The following PRUNE2 variants were observed in gnomAD, a reference collection of about 807,000 sequenced individuals.
PRUNE2 encodes protein prune homolog 2.
PRUNE2 carries 164 observed loss-of-function variants against 252.0 expected under a neutral mutation model. That is an observed-to-expected ratio of 0.65 (90% CI 0.57 to 0.74). PRUNE2 has a LOEUF of 0.74. PRUNE2 is among the 30% of genes least tolerant of loss of function. The pLI is 0.00. For synonymous variants in PRUNE2, 1,292 were observed against 1,350.2 expected (o/e 0.96, Z 0.94); for missense variants, 3,495 against 3,711.0 (o/e 0.94, Z 1.51).
At chr9:76,719,624 G>GA (rs936644111) in intron 6 of PRUNE2, among the ~76,000 whole-genome samples, 3 of 149,848 alleles carry the variant, frequency 2.0e-5, no homozygotes, top group African/African-American at 4.9e-5. Flanking sequence ...CTCTCTAAAA[G>GA]AAAAAAAAGA....
intron 5 of PRUNE2, among the ~76,000 whole-genome samples, chr9:76,824,093 C>T (rs1458353876): frequency 6.6e-6 from 1 of 152,144 alleles, no homozygotes; most frequent in Admixed American, 6.5e-5. Flanking sequence ...GCTGCAGAAA[C>T]TTCCACCTAA....
At chr9:76,751,693 C>A (rs1444659579) in intron 6 of PRUNE2, among the ~76,000 whole-genome samples, 1 of 152,184 alleles carries the variant, frequency 6.6e-6, no homozygotes, top group South Asian at 2.1e-4. Context: ...ACCGAAAATA[C>A]TACTAGAAAC....
intron 1 of PRUNE2, among the ~76,000 whole-genome samples, chr9:76,896,560 C>T (rs1034919795): frequency 2.0e-5 from 3 of 152,170 alleles, no homozygotes; most frequent in Non-Finnish European, 2.9e-5. Context: ...ATCCTTTCAT[C>T]GCTTTCTTTT....
chr9:76,905,767 G>A (rs2063456734), intron 1 of PRUNE2, among the ~76,000 whole-genome samples, 161 bp downstream of exon 1: 1 of 152,134 alleles, frequency 6.6e-6, no homozygotes, highest in Non-Finnish European at 1.5e-5. Flanking sequence ...CCAGCTTTAA[G>A]AGCCAGAGTT....
At chr9:76,699,177 T>C (rs1370121963) in intron 9 of PRUNE2, among the ~76,000 whole-genome samples, 2 of 152,084 alleles carry the variant, frequency 1.3e-5, no homozygotes, top group Non-Finnish European at 2.9e-5. Flanking sequence ...CTCATATCTA[T>C]GGAAAGCCAA....
chr9:76,736,572 C>A (rs968986521), intron 6 of PRUNE2: 7 of 152,234 alleles, frequency 4.6e-5, no homozygotes, highest in African/African-American at 1.7e-4. Flanking sequence ...CCTCCTGATT[C>A]ATAGGCTGCC....
intron 9 of PRUNE2, among the ~76,000 whole-genome samples, chr9:76,683,947 TTA>T (rs971204026): frequency 2.0e-5 from 3 of 150,634 alleles, no homozygotes; most frequent in Non-Finnish European, 3.0e-5. Context: ...TATGTACATA[TTA>T]TATATATATA....
chr9:76,690,556 G>A (rs1488980524), intron 9 of PRUNE2, among the ~76,000 whole-genome samples: 2 of 152,158 alleles, frequency 1.3e-5, no homozygotes, highest in African/African-American at 2.4e-5. Flanking sequence ...CTTCCCAGGA[G>A]TACAAAGCCA....
chr9:76,660,798 A>AAG (rs1554669339), intron 9 of PRUNE2, among the ~76,000 whole-genome samples: 104 of 141,072 alleles, frequency 7.4e-4, no homozygotes, highest in Middle Eastern at 7.2e-3. Context: ...AAAAAAAAAA[A>AAG]AAAGAAAGAA....
chr9:76,821,359 T>C (rs1014879158), intron 6 of PRUNE2, among the ~76,000 whole-genome samples: 1 of 152,186 alleles, frequency 6.6e-6, no homozygotes, highest in Non-Finnish European at 1.5e-5. Context: ...GTGAGGTTAA[T>C]GGGAATGAGA....
intron 9 of PRUNE2, among the ~76,000 whole-genome samples, chr9:76,675,549 G>T (rs1279902271): frequency 1.2e-5 from 1 of 82,044 alleles, no homozygotes; most frequent in Non-Finnish European, 2.9e-5. Context: ...ATTTGACCCA[G>T]CCATCCCATT....
intron 12 of PRUNE2, among the ~76,000 whole-genome samples, chr9:76,638,805 C>A (rs1338449954): frequency 6.6e-6 from 1 of 152,206 alleles, no homozygotes; most frequent in Non-Finnish European, 1.5e-5. Context: ...CTCATCCACA[C>A]ACTCCAGTGA....
chr9:76,685,280 T>C (rs1385462318), intron 9 of PRUNE2, among the ~76,000 whole-genome samples: 3 of 152,248 alleles, frequency 2.0e-5, no homozygotes, highest in East Asian at 3.9e-4. Context: ...TCCAAGGAGG[T>C]TATGGATCCC....
chr9:76,830,337 A>G (rs2058596638), intron 4 of PRUNE2, among the ~76,000 whole-genome samples: 1 of 152,194 alleles, frequency 6.6e-6, no homozygotes, highest in Non-Finnish European at 1.5e-5. Context: ...TTAATGAAAG[A>G]AAGACATTAT....
intron 9 of PRUNE2, among the ~76,000 whole-genome samples, chr9:76,676,704 G>C (rs112053742): frequency 1.1e-3 from 166 of 152,306 alleles, no homozygotes; most frequent in African/African-American, 3.7e-3. Context: ...GCAAATTCAA[G>C]TTAATGTTAG....
In PRUNE2 at chr9:76,638,264, G is replaced by A; in HGVS notation, c.8753C>T (p.Ala2918Val). The stretch of plus-strand genomic sequence containing the variant: ...AAAACAGGCGGCAAACACAATGATG[G>A]CATTTAGACCGTCCCCATAGTATCC... ...HGGYYGDGLNAIIVFAACFLP... is the reference protein window; with the variant it reads ...HGGYYGDGLNVIIVFAACFLP... Residue 2918 changes from alanine to valine, a missense_variant, in exon 13 of 19, where the codon GCC becomes GTC. Physicochemically the swap from Ala to Val is moderately conservative, Grantham distance 64 (BLOSUM62 0). Coordinates refer to ENST00000376718, the MANE Select transcript of PRUNE2 (RefSeq NM_015225.3). 1 of 1,613,568 alleles carries A rather than the reference G, an allele frequency of 6.2e-7. No homozygotes were observed. Among genetic ancestry groups the A allele is most frequent in the Non-Finnish European group, 8.5e-7 (1 of 1,179,592 alleles).
intron 3 of PRUNE2, among the ~76,000 whole-genome samples, chr9:76,849,797 G>C (rs1181119544): frequency 6.6e-6 from 1 of 152,058 alleles, no homozygotes; most frequent in African/African-American, 2.4e-5. Context: ...ATGCACGCCA[G>C]CCTGGGCGAG....
chr9:76,822,762 G>C (rs1428494884), intron 6 of PRUNE2, among the ~76,000 whole-genome samples: 1 of 151,988 alleles, frequency 6.6e-6, no homozygotes, highest in Non-Finnish European at 1.5e-5. Context: ...AGCTGAGATG[G>C]TGCCACTGCA....
intron 12 of PRUNE2, among the ~76,000 whole-genome samples, chr9:76,643,462 A>AT (rs146118593): frequency 0.042 from 6,348 of 152,280 alleles, 426 homozygotes; most frequent in African/African-American, 0.14. Context: ...GATGGGGAAG[A>AT]TTGAGTGTTC....
Sources: allele counts gnomAD v4.1 joint callset (sites outside exome capture counted in the v4.1 genomes callset), GRCh38; gene constraint gnomAD v4.1.1; transcripts MANE v1.5; gene names NCBI Gene and HGNC (gene_info 2026-07-23, HGNC 2026-07-21).